The following TNFAIP8 variants were observed in gnomAD, a reference collection of about 807,000 sequenced individuals.
TNFAIP8 encodes the protein tumor necrosis factor alpha-induced protein 8.
A neutral mutation model predicts 13.3 loss-of-function variants in TNFAIP8; 7 were observed. That is an observed-to-expected ratio of 0.52 (90% CI 0.30 to 0.99). TNFAIP8 has a LOEUF of 0.99. TNFAIP8 is among the 50% of genes least tolerant of loss of function. The pLI, the probability that TNFAIP8 is intolerant of heterozygous loss-of-function variation, is 0.07. For missense variants in TNFAIP8, 258 were observed against 236.9 expected (o/e 1.09, Z -0.58); for synonymous variants, 94 against 87.6 (o/e 1.07, Z -0.41).
intron 1 of TNFAIP8, among the ~76,000 whole-genome samples, chr5:119,310,701 C>T (rs1749701286): frequency 1.3e-5 from 2 of 152,082 alleles, no homozygotes; most frequent in South Asian, 4.1e-4. Context: ...GTGGCACGTG[C>T]CTGTAATCCC....
chr5:119,320,376 C>G (rs1398761009), intron 1 of TNFAIP8, among the ~76,000 whole-genome samples: 2 of 152,102 alleles, frequency 1.3e-5, no homozygotes, highest in African/African-American at 4.8e-5. Context: ...TCAGAACATG[C>G]CTTTTTATCA....
chr5:119,389,753 T>G (rs542344992), intron 1 of TNFAIP8, among the ~76,000 whole-genome samples: 8 of 152,184 alleles, frequency 5.3e-5, no homozygotes, highest in African/African-American at 1.7e-4. Flanking sequence ...AAAGACGACT[T>G]CACTGGAATA....
chr5:119,268,934 C>A lies in TNFAIP8; in HGVS notation c.1+27C>A, dbSNP rs948287688. 149 of 697,414 alleles carry A rather than the reference C, an allele frequency of 2.1e-4. No homozygotes were observed. In the Admixed American group the frequency reaches 2.9e-3, roughly 14 times the overall value. 43.2% of individuals were successfully genotyped at this position (697,414 alleles called of 1,614,324 possible). A position where few individuals can be genotyped will look rare whatever the true frequency, so the allele number is the denominator to read the frequency against. ...TAAGTGGCTCCTGGGCGCGCCCGTC[C>A]CGCGCACACTCCAGCGCGCCTCTCC... On this transcript the variant is annotated intron_variant, in intron 1 of 1. Transcript: ENST00000274456.
chr5:119,397,071 T>C lies in TNFAIP8; in HGVS notation c.*3690T>C. ...AAATATTGCGTTTTAAACTCTTATATAATAGTATGCCATTCACAATTATCT... is the reference window on the plus strand; with the variant it reads ...AAATATTGCGTTTTAAACTCTTATACAATAGTATGCCATTCACAATTATCT... On this transcript the variant is annotated 3_prime_UTR_variant, in exon 2 of 2. Coordinates refer to ENST00000504771, the MANE Select transcript of TNFAIP8 (RefSeq NM_014350.4). 6.7e-6 allele frequency: 1 copy of C among 149,706 alleles called. No homozygotes were observed. The allele number at this position is 149,706 out of a possible 1,614,324, so 9.3% of individuals were successfully genotyped here. A position where few individuals can be genotyped will look rare whatever the true frequency, so the allele number is the denominator to read the frequency against.
At position 119,393,063 on chromosome 5, in the gene TNFAIP8, A is replaced by C; in HGVS notation, c.279A>C (p.Gln93His). 8 of 1,613,850 alleles carry C rather than the reference A, an allele frequency of 5.0e-6. No individual in the cohort carries two copies. Among genetic ancestry groups the C allele is most frequent in the Non-Finnish European group, 6.8e-6 (8 of 1,179,816 alleles). Reference protein sequence around the residue: ...AILYRNNQFNQDELALMEKFK... With the variant: ...AILYRNNQFNHDELALMEKFK... ...TTTATAGGAATAATCAGTTTAATCAAGATGAGCTAGCATTGATGGAGAAAT... is the reference window on the plus strand; with the variant it reads ...TTTATAGGAATAATCAGTTTAATCACGATGAGCTAGCATTGATGGAGAAAT... Residue 93 changes from glutamine to histidine, a missense_variant, in exon 2 of 2, where the codon CAA (glutamine) becomes CAC (histidine). Transcript: ENST00000504771.
At chr5:119,284,483 C>G (rs529345110) in intron 1 of TNFAIP8, among the ~76,000 whole-genome samples, 1 of 152,194 alleles carries the variant, frequency 6.6e-6, no homozygotes, top group South Asian at 2.1e-4. Flanking sequence ...GAGTTCAAGA[C>G]CAGCTTGACC....
At chr5:119,311,885 C>A (rs1333490385) in intron 1 of TNFAIP8, among the ~76,000 whole-genome samples, 1 of 152,044 alleles carries the variant, frequency 6.6e-6, no homozygotes, top group African/African-American at 2.4e-5. Flanking sequence ...TATCCATAGA[C>A]CTGTGGTGCT....
chr5:119,337,246 G>A (rs1199004342), intron 1 of TNFAIP8, among the ~76,000 whole-genome samples: 1 of 152,184 alleles, frequency 6.6e-6, no homozygotes, highest in African/African-American at 2.4e-5. Flanking sequence ...ATCATATCTT[G>A]CACTTGCATT....
At chr5:119,302,237 C>T (rs1392700236) in intron 1 of TNFAIP8, among the ~76,000 whole-genome samples, 2 of 152,196 alleles carry the variant, frequency 1.3e-5, no homozygotes, top group Admixed American at 6.5e-5. Flanking sequence ...TGTAACTGCT[C>T]ACTGGTACTT....
intron 1 of TNFAIP8, among the ~76,000 whole-genome samples, chr5:119,288,357 G>T (rs374887002): frequency 6.6e-6 from 1 of 152,286 alleles, no homozygotes; most frequent in South Asian, 2.1e-4. Flanking sequence ...TGTACCTTGA[G>T]GGAATGTCAG....
intron 1 of TNFAIP8, among the ~76,000 whole-genome samples, chr5:119,365,427 G>T (rs1751811226): frequency 6.6e-6 from 1 of 152,180 alleles, no homozygotes; most frequent in Non-Finnish European, 1.5e-5. Context: ...ATGCTAGATG[G>T]CTTATTCCTT....
intron 1 of TNFAIP8, among the ~76,000 whole-genome samples, chr5:119,314,998 C>T (rs554550026): frequency 6.6e-6 from 1 of 152,368 alleles, no homozygotes; most frequent in South Asian, 2.1e-4. Context: ...TCTGCTGCTT[C>T]AGCCTCCCCA....
At chr5:119,306,613 A>G (rs1455392473) in intron 1 of TNFAIP8, 1 of 152,026 alleles carries the variant, frequency 6.6e-6, no homozygotes, top group Non-Finnish European at 1.5e-5. Context: ...GACTATGGGC[A>G]CATGCCACCG....
chr5:119,357,819 T>C (rs1242470675), intron 1 of TNFAIP8, among the ~76,000 whole-genome samples: 3 of 152,102 alleles, frequency 2.0e-5, no homozygotes, highest in Non-Finnish European at 2.9e-5. Context: ...TCTGAGGTAG[T>C]AGAATTTTAA....
At chr5:119,343,866 C>A (rs1416153327) in intron 1 of TNFAIP8, among the ~76,000 whole-genome samples, 2 of 152,168 alleles carry the variant, frequency 1.3e-5, no homozygotes, top group Non-Finnish European at 2.9e-5. Flanking sequence ...CGCTGTGTGA[C>A]CACACAGGGT....
At chr5:119,286,667 C>T (rs1172523575) in intron 1 of TNFAIP8, among the ~76,000 whole-genome samples, 1 of 150,684 alleles carries the variant, frequency 6.6e-6, no homozygotes, top group African/African-American at 2.4e-5. Context: ...GCAGAGCAGA[C>T]AGGGTATGGG....
intron 1 of TNFAIP8, among the ~76,000 whole-genome samples, chr5:119,389,785 T>G (rs1384196247): frequency 6.6e-6 from 1 of 152,114 alleles, no homozygotes; most frequent in Non-Finnish European, 1.5e-5. Context: ...AAAAGGAAAG[T>G]GTGACACAGC....
chr5:119,275,943 G>A (rs539252152), intron 1 of TNFAIP8, among the ~76,000 whole-genome samples: 1 of 152,186 alleles, frequency 6.6e-6, no homozygotes, highest in African/African-American at 2.4e-5. Flanking sequence ...CTGCCCTGGA[G>A]TTGAGCACAC....
At chr5:119,379,135 A>G (rs1298671935) in intron 1 of TNFAIP8, among the ~76,000 whole-genome samples, 2 of 152,232 alleles carry the variant, frequency 1.3e-5, no homozygotes, top group East Asian at 3.8e-4. Context: ...GAGTACAGAT[A>G]AATTCATTTA....
Sources: gnomAD v4.1 joint callset for allele counts (sites outside exome capture counted in the v4.1 genomes callset) on GRCh38, gnomAD v4.1.1 for gene constraint, MANE v1.5 for transcripts, NCBI Gene and HGNC (gene_info 2026-07-23, HGNC 2026-07-21) for gene names.